Variants in SAMD3 observed in about 807,000 individuals in gnomAD.
SAMD3 encodes the protein sterile alpha motif domain containing 3, also known as sterile alpha motif domain-containing protein 3.
SAMD3 carries 63 observed loss-of-function variants against 58.5 expected under a neutral mutation model. That is an observed-to-expected ratio of 1.08 (90% CI 0.88 to 1.33). The LOEUF (loss-of-function observed/expected upper bound fraction) is 1.33. Among genes scored for constraint, SAMD3 ranks in the 40% most tolerant of loss-of-function variants. SAMD3 has a pLI of 0.00. For synonymous variants in SAMD3, 220 were observed against 210.3 expected, an observed-to-expected ratio of 1.05 and a Z score of -0.40; for missense variants, 604 against 608.4, an observed-to-expected ratio of 0.99 and a Z score of 0.08.
intron 5 of SAMD3, among the ~76,000 whole-genome samples, chr6:130,191,624 C>CT (rs5880007): frequency 2.1e-3 from 297 of 144,212 alleles, no homozygotes; most frequent in African/African-American, 5.8e-3. Flanking sequence ...TGCTTCCTTC[C>CT]TTTTTTTTTT....
intron 2 of SAMD3, among the ~76,000 whole-genome samples, chr6:130,269,994 T>C (rs974021397): frequency 6.6e-6 from 1 of 152,152 alleles, no homozygotes. Context: ...CTTTCTGTTA[T>C]TGGTTTTCAT....
chr6:130,145,196 T>A (rs889514732), intron 11 of SAMD3, 144 bp downstream of exon 11: 2 of 453,478 alleles, frequency 4.4e-6, no homozygotes, highest in Non-Finnish European at 7.6e-6. Flanking sequence ...AGGTGGAGGC[T>A]GCAGTGAGCC....
chr6:130,167,160 G>C (rs191994519), intron 8 of SAMD3, among the ~76,000 whole-genome samples: 2 of 152,100 alleles, frequency 1.3e-5, no homozygotes, highest in East Asian at 3.8e-4. Context: ...CTTTAAAAGA[G>C]TGTCAGTTTA....
Position 130,238,336 on chromosome 6 carries a change from T to C in SAMD3, c.-187-15523A>G, listed in dbSNP as rs539818938. ...TGGGAAGATAGCAAGTGGATTATTTTATCAACTAATATTGTTTTTCTCCCT... is the reference window on the plus strand; with the variant it reads ...TGGGAAGATAGCAAGTGGATTATTTCATCAACTAATATTGTTTTTCTCCCT... On this transcript the variant is annotated intron_variant, in intron 2 of 13. Coordinates refer to the SAMD3 transcript ENST00000368134. 4.6e-5 allele frequency among the ~76,000 whole-genome samples: 7 copies of C among 152,302 alleles called. No individual in the cohort carries two copies. In the South Asian group the frequency reaches 1.4e-3, roughly 32 times the overall value.
chr6:130,355,575 C>T (rs1296967802), intron 1 of SAMD3, among the ~76,000 whole-genome samples: 1 of 152,186 alleles, frequency 6.6e-6, no homozygotes, highest in African/African-American at 2.4e-5. Context: ...AACATCTTCT[C>T]TAATGGAGGA....
At chr6:130,298,734 C>A (rs1302784068) in intron 2 of SAMD3, among the ~76,000 whole-genome samples, 1 of 152,048 alleles carries the variant, frequency 6.6e-6, no homozygotes, top group Non-Finnish European at 1.5e-5. Flanking sequence ...CTTCAAGAGA[C>A]CTATCTTATG....
rs187321542 is a variant in SAMD3, at chr6:130,186,839, C to T, written c.384-2216G>A. On this transcript the variant is annotated intron_variant, in intron 5 of 11. Transcript: ENST00000439090. ...AGGCTGGAGTGCAGTGGTGCAATCT[C>T]GGCTCACTGCAACCTCCGCCTCCCG... 4.1e-3 allele frequency among the ~76,000 whole-genome samples: 595 copies of T among 144,688 alleles called. 2 individuals are homozygous for T. The highest frequency in any genetic ancestry group is 0.014 in the African/African-American group (559 of 38,556). 94.9% of individuals were successfully genotyped at this position (144,688 alleles called of 152,430 possible). A position where few individuals can be genotyped will look rare whatever the true frequency, so the allele number is the denominator to read the frequency against.
At chr6:130,321,231 G>C (rs1366492822) in intron 1 of SAMD3, among the ~76,000 whole-genome samples, 2 of 152,054 alleles carry the variant, frequency 1.3e-5, no homozygotes, top group Admixed American at 1.3e-4. Flanking sequence ...TAGAACTCTT[G>C]TCAATTGCCT....
intron 2 of SAMD3, among the ~76,000 whole-genome samples, chr6:130,250,979 A>G (rs1313650694): frequency 6.6e-6 from 1 of 152,200 alleles, no homozygotes; most frequent in Non-Finnish European, 1.5e-5. Flanking sequence ...GCTGGGTAAT[A>G]TGATAACCCT....
chr6:130,269,447 T>C (rs1774479217), intron 2 of SAMD3, among the ~76,000 whole-genome samples: 2 of 152,170 alleles, frequency 1.3e-5, no homozygotes, highest in African/African-American at 4.8e-5. Flanking sequence ...TTCAGGAGTT[T>C]GTGATTTTTG....
At chr6:130,205,033 G>T (rs928101248) in intron 5 of SAMD3, among the ~76,000 whole-genome samples, 4 of 151,580 alleles carry the variant, frequency 2.6e-5, no homozygotes, top group African/African-American at 9.7e-5. Context: ...GCTGGCACTT[G>T]TTCCCCACCT....
At chr6:130,250,398 T>C (rs140626954) in intron 2 of SAMD3, among the ~76,000 whole-genome samples, 43 of 152,242 alleles carry the variant, frequency 2.8e-4, no homozygotes, top group African/African-American at 9.9e-4. Flanking sequence ...GCCTACTAAA[T>C]AGTAGTCTCC....
intron 2 of SAMD3, among the ~76,000 whole-genome samples, chr6:130,308,439 T>TATTCTATTCTATTC (rs1562513320): frequency 1.3e-5 from 2 of 148,648 alleles, no homozygotes; most frequent in Non-Finnish European, 1.5e-5. Flanking sequence ...TATTCTATTC[T>TATTCTATTCTATTC]TTTGTGTGTG....
rs143547854 is a variant in SAMD3, at chr6:130,158,933, C to T, written c.823-3908G>A. Reference sequence around the variant, plus strand: ...ACAAAATTACACTCTATGCAAATGTCTGATTGGTTGTGGGAAGGGACCAGA... The same window carrying T: ...ACAAAATTACACTCTATGCAAATGTTTGATTGGTTGTGGGAAGGGACCAGA... On this transcript the variant is annotated intron_variant, in intron 8 of 11. Coordinates refer to ENST00000439090, the MANE Select transcript of SAMD3 (RefSeq NM_001017373.4). Among the ~76,000 whole-genome samples, 362 of 152,254 alleles carry T rather than the reference C, an allele frequency of 2.4e-3. 1 individual carries two copies. Among genetic ancestry groups the T allele is most frequent in the African/African-American group, 8.3e-3 (343 of 41,552 alleles).
chr6:130,354,644 G>A (rs1472554048), intron 1 of SAMD3, among the ~76,000 whole-genome samples: 1 of 152,132 alleles, frequency 6.6e-6, no homozygotes, highest in African/African-American at 2.4e-5. Context: ...AGACACTGGG[G>A]CCTATGTGAG....
At chr6:130,215,913 C>A (rs900582802) in intron 2 of SAMD3, 6 of 1,349,270 alleles carry the variant, frequency 4.4e-6, no homozygotes, top group Non-Finnish European at 6.1e-6. Flanking sequence ...ATGTTTCTGT[C>A]CTTCCTTCCA....
In SAMD3 at chr6:130,180,953, C is replaced by CTTTT. The variant is rs370213784; in HGVS notation, c.654+3146_654+3149dup. Among the ~76,000 whole-genome samples, 6 of 117,346 alleles carry CTTTT rather than the reference C, an allele frequency of 5.1e-5. 1 individual carries two copies. The highest frequency in any genetic ancestry group is 6.3e-5 in the African/African-American group (2 of 31,560). 77.0% of individuals were successfully genotyped at this position (117,346 alleles called of 152,430 possible). On this transcript the variant is annotated intron_variant, in intron 7 of 11. Coordinates refer to ENST00000439090, the MANE Select transcript of SAMD3 (RefSeq NM_001017373.4). ...TTTTCTTTTTTCTTTTTCTTTCTTT[C>CTTTT]TTTTTTCTTTTGAGACGGAGTTCCG...
chr6:130,357,094 T>A (rs2115042128), intron 1 of SAMD3, among the ~76,000 whole-genome samples: 1 of 151,796 alleles, frequency 6.6e-6, no homozygotes, highest in South Asian at 2.1e-4. Context: ...TCTATGAGAT[T>A]TAAAAAATTA....
At chr6:130,283,110 T>C (rs1197792951) in intron 2 of SAMD3, among the ~76,000 whole-genome samples, 1 of 152,052 alleles carries the variant, frequency 6.6e-6, no homozygotes, top group Non-Finnish European at 1.5e-5. Flanking sequence ...TGAAATATAA[T>C]TTCTAGAAAT....
Sources: allele counts gnomAD v4.1 joint callset (sites outside exome capture counted in the v4.1 genomes callset), GRCh38; gene constraint gnomAD v4.1.1; transcripts MANE v1.5; gene names NCBI Gene and HGNC (gene_info 2026-07-23, HGNC 2026-07-21).